Variants in ITGAL observed in about 807,000 individuals in gnomAD.
ITGAL encodes integrin subunit alpha L.
A neutral mutation model predicts 138.4 loss-of-function variants in ITGAL; 68 were observed. The observed-to-expected ratio is 0.49, with a 90% confidence interval of 0.40 to 0.60. The LOEUF is 0.60. Ranked by LOEUF, ITGAL falls within the 20% of genes least tolerant of loss-of-function variation. The probability of loss-of-function intolerance (pLI) is 0.00; values close to 1 mark genes in which losing one functional copy is unlikely to be tolerated. For missense variants in ITGAL, 1,256 were observed against 1,478.6 expected (o/e 0.85, Z 2.47); for synonymous variants, 561 against 584.3 (o/e 0.96, Z 0.57).
At position 30,501,092 on chromosome 16, in the gene ITGAL, T is replaced by C. The variant is rs2050891061; in HGVS notation, c.2145+1603T>C. 4.6e-5 allele frequency among the ~76,000 whole-genome samples: 7 copies of C among 152,200 alleles called. No homozygotes were observed. The South Asian group carries it at 1.5e-3, about 32-fold the overall frequency. On this transcript the variant is annotated intron_variant, in intron 17 of 30. Transcript: ENST00000356798. ...AACCCTTGGCATCAAGTAATCCTCT[T>C]ACCTTGGCCTCCAAAAGTGCTGGGA...
chr16:30,508,659 A>C (rs2051042440), intron 21 of ITGAL, among the ~76,000 whole-genome samples: 1 of 152,036 alleles, frequency 6.6e-6, no homozygotes, highest in Non-Finnish European at 1.5e-5. Context: ...ATGCCAATGC[A>C]CTCTAGCCTG....
chr16:30,487,012 G>A lies in ITGAL; in HGVS notation c.1007-2070G>A, dbSNP rs1357770111. 4.6e-5 allele frequency among the ~76,000 whole-genome samples: 7 copies of A among 151,790 alleles called. No homozygotes were observed. The East Asian group carries it at 7.8e-4, about 17-fold the overall frequency. ...GAGTTTCTTAGCCAGGCGTGGTGGC[G>A]GGCGCCTGTAGTCCCAGCTACTCGG... On this transcript the variant is annotated intron_variant, in intron 9 of 30. Coordinates refer to ENST00000356798, the MANE Select transcript of ITGAL (RefSeq NM_002209.3).
chr16:30,502,179 C>T (rs888209991), intron 17 of ITGAL, among the ~76,000 whole-genome samples: 2 of 151,712 alleles, frequency 1.3e-5, no homozygotes, highest in African/African-American at 2.4e-5. Context: ...GGGCGGATCA[C>T]GAGGTGAGGA....
At chr16:30,473,997 C>G (rs2050429506) in intron 1 of ITGAL, 199 bp from the exon 2 acceptor site, 2 of 691,068 alleles carry the variant, frequency 2.9e-6, no homozygotes, top group Non-Finnish European at 5.3e-6. Context: ...TCCTCAGGCC[C>G]TGGGAAGAGC....
intron 9 of ITGAL, 86 bp from the exon 10 acceptor site, chr16:30,488,996 C>T (rs1344703735): frequency 9.0e-7 from 1 of 1,108,090 alleles, no homozygotes; most frequent in Non-Finnish European, 1.4e-6. Context: ...GAAGTAAATA[C>T]CTCACTTCTT....
At chr16:30,485,624 A>G (rs1046430780) in intron 9 of ITGAL, among the ~76,000 whole-genome samples, 4 of 151,574 alleles carry the variant, frequency 2.6e-5, no homozygotes, top group African/African-American at 9.7e-5. Context: ...TTCCAGGCTC[A>G]GGTGATCCTC....
intron 1 of ITGAL, 132 bp downstream of exon 1, chr16:30,473,030 G>A (rs1311052637): frequency 2.6e-6 from 2 of 756,696 alleles, no homozygotes; most frequent in Non-Finnish European, 4.5e-6. Context: ...GGGGCCCAGG[G>A]ATCTTGGAAG....
In ITGAL at chr16:30,517,636, C is replaced by T. The variant is rs370056046; in HGVS notation, c.2977-13C>T. On this transcript the variant is annotated splice_polypyrimidine_tract_variant and intron_variant, in intron 26 of 30. Transcript: ENST00000356798. Reference sequence around the variant, plus strand: ...GGGGAGGCTCTAACTGAAGACCTGCCGCTTGTTCCTAGGAGCCTCCCGTGC... The same window carrying T: ...GGGGAGGCTCTAACTGAAGACCTGCTGCTTGTTCCTAGGAGCCTCCCGTGC... The T allele has an allele frequency of 2.1e-5, 34 of 1,612,638 alleles. No individual in the cohort carries two copies. The highest frequency in any genetic ancestry group is 1.7e-4 in the African/African-American group (13 of 74,866).
At chr16:30,481,282 G>A in intron 6 of ITGAL, 157 bp from the exon 7 acceptor site, 2 of 595,960 alleles carry the variant, frequency 3.4e-6, no homozygotes, top group East Asian at 3.0e-5. Flanking sequence ...GGAGGCAGAG[G>A]TTGCAGTGAG....
rs1295792156 is a variant in ITGAL at position 30,510,891 on chromosome 16, A to G, written c.2630A>G (p.Gln877Arg). 1.2e-6 allele frequency: 2 copies of G among 1,613,888 alleles called. No individual in the cohort carries two copies. Among genetic ancestry groups the G allele is most frequent in the African/African-American group, 2.7e-5 (2 of 74,860 alleles). ...IFKAGHSVAL[Q>R]MMFNTLVNSS... is the part of the protein sequence containing the mutation. The stretch of plus-strand genomic sequence containing the variant: ...CTCCTTTCCTGCCAGGTTGCTCTGC[A>G]GATGATGTTTAATACACTGGTAAAC... The change falls in exon 23 of 31, where the codon CAG becomes CGG. Residue 877 changes from glutamine (Q) to arginine (R), a missense_variant. Gln to Arg is a conservative substitution (Grantham distance 43). Around this residue, in one of 3 missense-constraint regions of ITGAL, gnomAD observed 867 missense variants for 972.5 expected, o/e 0.89. Transcript: ENST00000356798.
intron 6 of ITGAL, 195 bp from the exon 7 acceptor site, chr16:30,481,244 G>A (rs967812114): frequency 5.7e-6 from 3 of 528,208 alleles, no homozygotes; most frequent in African/African-American, 1.9e-5. Flanking sequence ...TACTTGGGAG[G>A]CTGAGGCATG....
In ITGAL at chr16:30,522,410, T is replaced by C. The variant is rs2051267342; in HGVS notation, c.*745T>C. On this transcript the variant is annotated 3_prime_UTR_variant, in exon 31 of 31. Coordinates refer to ENST00000356798, the MANE Select transcript of ITGAL (RefSeq NM_002209.3). The surrounding 1 kb of genome is among the most constrained non-coding windows in gnomAD (Gnocchi z 4.0). ...CACACTTGGTTGGGTCCTCACATCTTTCACACTTCCACCAGCCTGCACTAC... is the reference window on the plus strand; with the variant it reads ...CACACTTGGTTGGGTCCTCACATCTCTCACACTTCCACCAGCCTGCACTAC... The C allele has an allele frequency of 6.6e-6, 1 of 152,502 alleles. No individual in the cohort carries two copies. Among genetic ancestry groups the C allele is most frequent in the Admixed American group, 6.6e-5 (1 of 15,258 alleles). The allele number at this position is 152,502 out of a possible 1,614,324, so 9.4% of individuals were successfully genotyped here.
At chr16:30,487,104 C>T (rs1868501156) in intron 9 of ITGAL, among the ~76,000 whole-genome samples, 1 of 150,092 alleles carries the variant, frequency 6.7e-6, no homozygotes, top group Non-Finnish European at 1.5e-5. Flanking sequence ...GATTGTGCCA[C>T]CGCCCTCCAG....
Position 30,479,598 on chromosome 16 carries a change from C to T in ITGAL, c.576+137C>T, listed in dbSNP as rs575663780. On this transcript the variant is annotated intron_variant, in intron 6 of 30. Transcript: ENST00000356798. ...GCTATAACTGGGCCTCTGGAAGGGA[C>T]AAGAACCAGGGAGTAGAAAGCTTCT... 5.7e-4 allele frequency: 350 copies of T among 609,866 alleles called. 5 individuals are homozygous for T. The Middle Eastern group carries it at 7.2e-3, about 13-fold the overall frequency. The allele number at this position is 609,866 out of a possible 1,614,324, so 37.8% of individuals were successfully genotyped here.
chr16:30,494,464 C>G lies in ITGAL; in HGVS notation c.1365+101C>G. Reference sequence around the variant, plus strand: ...GCTCATCCACTTACCATGTGGCAGCCCCTGTGCTAAACATGATCACATTTA... The same window carrying G: ...GCTCATCCACTTACCATGTGGCAGCGCCTGTGCTAAACATGATCACATTTA... On this transcript the variant is annotated intron_variant, in intron 12 of 30. Transcript: ENST00000356798. The surrounding 1 kb of genome is among the most constrained non-coding windows in gnomAD (Gnocchi z 4.2). 3.1e-6 allele frequency: 4 copies of G among 1,280,320 alleles called. No homozygotes were observed. The highest frequency in any genetic ancestry group is 4.3e-6 in the Non-Finnish European group (4 of 935,404). The allele number at this position is 1,280,320 out of a possible 1,614,324, so 79.3% of individuals were successfully genotyped here.
chr16:30,481,557 A>C lies in ITGAL; in HGVS notation c.695A>C (p.Asn232Thr). 6.2e-7 allele frequency: 1 copy of C among 1,613,736 alleles called. No homozygotes were observed. The highest frequency in any genetic ancestry group is 8.5e-7 in the Non-Finnish European group (1 of 1,179,924). Reference protein sequence around the residue: ...KHVKHMLLLTNTFGAINYVAT... With the variant: ...KHVKHMLLLTTTFGAINYVAT... Reference sequence around the variant, plus strand: ...GTAAAGCACATGTTGCTGTTGACCAATACCTTTGGTGCCATCAATTATGTC... The same window carrying C: ...GTAAAGCACATGTTGCTGTTGACCACTACCTTTGGTGCCATCAATTATGTC... Residue 232 changes from asparagine (N) to threonine (T), a missense_variant, in exon 7 of 31, where the codon AAT becomes ACT. This residue lies in a region of ITGAL where 177 missense variants were observed against 288.8 expected (regional missense o/e 0.61). Coordinates refer to ENST00000356798, the MANE Select transcript of ITGAL (RefSeq NM_002209.3).
chr16:30,513,373 T>A (rs1892264385), intron 24 of ITGAL, among the ~76,000 whole-genome samples: 1 of 151,980 alleles, frequency 6.6e-6, no homozygotes, highest in Non-Finnish European at 1.5e-5. Flanking sequence ...AGCAGGTGAG[T>A]GGCAGGACTA....
intron 21 of ITGAL, 114 bp from the exon 22 acceptor site, chr16:30,510,247 A>C (rs765471837): frequency 5.8e-6 from 4 of 684,078 alleles, no homozygotes; most frequent in South Asian, 3.3e-5. Context: ...CCCGCTGAGA[A>C]GGTTCCATGA....
chr16:30,508,840 C>G (rs2051045005), intron 21 of ITGAL, among the ~76,000 whole-genome samples: 1 of 151,540 alleles, frequency 6.6e-6, no homozygotes, highest in Non-Finnish European at 1.5e-5. Context: ...GCTTGGGCGA[C>G]AGAGCGAGAC....
Sources: gnomAD v4.1 joint callset for allele counts (sites outside exome capture counted in the v4.1 genomes callset) on GRCh38, gnomAD v4.1.1 for gene constraint, gnomAD v4.1.1 regional missense constraint, Gnocchi (gnomAD v3.1) non-coding constraint, MANE v1.5 for transcripts, NCBI Gene and HGNC (gene_info 2026-07-23, HGNC 2026-07-21) for gene names.